DOT1L: variants seen among roughly 807,000 people sequenced by gnomAD.
DOT1L encodes DOT1 like histone lysine methyltransferase, also known as histone-lysine N-methyltransferase, H3 lysine-79 specific.
DOT1L carries 33 observed loss-of-function variants against 153.3 expected under a neutral mutation model. The ratio of observed to expected loss-of-function variants is 0.22; its 90% CI spans 0.16 to 0.29. The LOEUF is 0.29. Among genes scored for constraint, DOT1L ranks in the 10% least tolerant of loss-of-function variants. DOT1L has a pLI of 1.00. For missense variants in DOT1L, 1,847 were observed against 2,119.9 expected, an observed-to-expected ratio of 0.87 and a Z score of 2.53; for synonymous variants, 1,135 against 965.1, an observed-to-expected ratio of 1.18 and a Z score of -3.26.
At position 2,182,965 on chromosome 19, in the gene DOT1L, G is replaced by A. The variant is rs117962942; in HGVS notation, c.125+2209G>A. ...CGTGCACCAACACCTGGGCATCCGC[G>A]ACGTAGGCAGAGACCTCGAAACTCG... is the stretch of plus-strand genomic sequence containing the variant. On this transcript the variant is annotated intron_variant, in intron 2 of 27. Transcript: ENST00000398665. 8.1e-3 allele frequency among the ~76,000 whole-genome samples: 1,235 copies of A among 152,276 alleles called. 9 individuals carry two copies. Among genetic ancestry groups the A allele is most frequent in the Non-Finnish European group, 0.013 (897 of 68,024 alleles).
chr19:2,224,146 C>CT lies in DOT1L; in HGVS notation c.3596+661dup, dbSNP rs1230276692. ...GGTGCATCCTCGGTCCCTGTCGTGG[C>CT]TGGGTGGTGCTCCACCATCCATCCG... On this transcript the variant is annotated intron_variant, in intron 25 of 27. Coordinates refer to ENST00000398665, the MANE Select transcript of DOT1L (RefSeq NM_032482.3). 3.3e-5 allele frequency among the ~76,000 whole-genome samples: 5 copies of CT among 152,340 alleles called. No homozygotes were observed. In the East Asian group the frequency reaches 9.6e-4, roughly 29 times the overall value.
rs376075458 is a variant in DOT1L, at chr19:2,184,852, G to A, written c.126-1003G>A. Among the ~76,000 whole-genome samples, 6 of 152,316 alleles carry A rather than the reference G, an allele frequency of 3.9e-5. No individual in the cohort carries two copies. The East Asian group carries it at 9.6e-4, about 24-fold the overall frequency. On this transcript the variant is annotated intron_variant, in intron 2 of 27. Transcript: ENST00000398665. ...CCCAGGAGGTGCTGTGTGTGGTTGT[G>A]AGGTGCCGCTGCGGTTTCCTCACGT...
At position 2,207,017 on chromosome 19, in the gene DOT1L, A is replaced by G. The variant is rs745513425; in HGVS notation, c.856+220A>G. Among the ~76,000 whole-genome samples the G allele has an allele frequency of 1.3e-5, 2 of 152,172 alleles. No individual in the cohort carries two copies. ...GGTCGCGACAACCACACACGTCCCCATAGAGCACTGTGTGCCATGGGGGTA... is the reference window on the plus strand; with the variant it reads ...GGTCGCGACAACCACACACGTCCCCGTAGAGCACTGTGTGCCATGGGGGTA... On this transcript the variant is annotated intron_variant, in intron 10 of 27. Coordinates refer to ENST00000398665, the MANE Select transcript of DOT1L (RefSeq NM_032482.3). The surrounding 1 kb of genome is among the most constrained non-coding windows in gnomAD (Gnocchi z 4.5).
At position 2,225,591 on chromosome 19, in the gene DOT1L, G is replaced by C. The variant is rs2024293435; in HGVS notation, c.3661+139G>C. On this transcript the variant is annotated intron_variant, in intron 26 of 27. Coordinates refer to ENST00000398665, the MANE Select transcript of DOT1L (RefSeq NM_032482.3). ...CCCGCTGCGTCGTGTCCTGCGTGGT[G>C]CTGGCCTGCTGCGTCGTGTCCTGCG... 5 of 961,266 alleles carry C rather than the reference G, an allele frequency of 5.2e-6. No individual in the cohort carries two copies. The South Asian group carries it at 6.9e-5, about 13-fold the overall frequency. The allele number at this position is 961,266 out of a possible 1,614,324, so 59.5% of individuals were successfully genotyped here.
chr19:2,193,956 C>T lies in DOT1L; in HGVS notation c.588+173C>T, dbSNP rs529136234. The stretch of plus-strand genomic sequence containing the variant: ...TGTGCCTGTGAATAGGGTGCCCGAT[C>T]GCCCTCACGGCCCATTACAGGCCGG... On this transcript the variant is annotated intron_variant, in intron 6 of 27. Transcript: ENST00000398665. The surrounding 1 kb of genome is among the most constrained non-coding windows in gnomAD (Gnocchi z 5.9). 3.3e-5 allele frequency among the ~76,000 whole-genome samples: 5 copies of T among 152,156 alleles called. No individual in the cohort carries two copies. Among genetic ancestry groups the T allele is most frequent in the Non-Finnish European group, 7.4e-5 (5 of 67,994 alleles).
At chr19:2,199,830 C>T in intron 7 of DOT1L, 54 bp from the exon 8 acceptor site, 5 of 1,347,166 alleles carry the variant, frequency 3.7e-6, no homozygotes, top group South Asian at 2.3e-5. Context: ...GCTGGGCGGG[C>T]TGGGAGTGCC....
chr19:2,195,302 G>A (rs891326193), intron 7 of DOT1L, among the ~76,000 whole-genome samples: 3 of 152,060 alleles, frequency 2.0e-5, no homozygotes, highest in Admixed American at 6.6e-5. Context: ...ACCAGGCTCC[G>A]CCCTGGTCCT....
At chr19:2,195,078 C>T (rs915785353) in intron 7 of DOT1L, among the ~76,000 whole-genome samples, 3 of 152,040 alleles carry the variant, frequency 2.0e-5, no homozygotes, top group Non-Finnish European at 2.9e-5. Flanking sequence ...GATGGCGTCG[C>T]GTGTGGCCCT....
At position 2,208,308 on chromosome 19, in the gene DOT1L, G is replaced by C. The variant is rs2023581839; in HGVS notation, c.964-627G>C. Among the ~76,000 whole-genome samples, 1 of 152,156 alleles carries C rather than the reference G, an allele frequency of 6.6e-6. No homozygotes were observed. The highest frequency in any genetic ancestry group is 2.4e-5 in the African/African-American group (1 of 41,438). On this transcript the variant is annotated intron_variant, in intron 11 of 27. Transcript: ENST00000398665. The surrounding 1 kb of genome is among the most constrained non-coding windows in gnomAD (Gnocchi z 4.4). ...GGTTGGGCACTCTGTTCCTGTTGTTGGGGTAGCGGTGGTTTTCCTTACGGT... is the reference window on the plus strand; with the variant it reads ...GGTTGGGCACTCTGTTCCTGTTGTTCGGGTAGCGGTGGTTTTCCTTACGGT...
At chr19:2,174,958 ATGTGTG>A (rs71337121) in intron 1 of DOT1L, among the ~76,000 whole-genome samples, 1,334 of 130,008 alleles carry the variant, frequency 0.01, 27 homozygotes, top group African/African-American at 0.032. Context: ...TTTTAAATAT[ATGTGTG>A]TGTGTGTGTG....
intron 1 of DOT1L, among the ~76,000 whole-genome samples, chr19:2,165,800 G>A (rs902618696): frequency 6.8e-6 from 1 of 146,780 alleles, no homozygotes; most frequent in Non-Finnish European, 1.5e-5. Flanking sequence ...ACGGAGTCTC[G>A]ATCTGTCGCC....
intron 22 of DOT1L, 116 bp from the exon 23 acceptor site, chr19:2,219,992 T>C: frequency 1.1e-6 from 1 of 898,260 alleles, no homozygotes; most frequent in Non-Finnish European, 1.7e-6. Flanking sequence ...TACTGGACGG[T>C]GACCCCGGCG....
Position 2,210,703 on chromosome 19 carries a change from A to C in DOT1L, c.1199A>C (p.Asn400Thr). The change falls in exon 14 of 28, where the codon AAC (asparagine) becomes ACC (threonine). Residue 400 changes from asparagine (N) to threonine (T), a missense_variant. By Grantham distance (65) the Asn-to-Thr change is moderately conservative. Coordinates refer to ENST00000398665, the MANE Select transcript of DOT1L (RefSeq NM_032482.3). ...TCCAAAGCCCGCAAGAAGAAGCTAAACAAGAAGGGGAGGAAGATGGCTGGC... is the reference window on the plus strand; with the variant it reads ...TCCAAAGCCCGCAAGAAGAAGCTAACCAAGAAGGGGAGGAAGATGGCTGGC... ...SPSKARKKKL[N>T]KKGRKMAGRK... 6.2e-7 allele frequency: 1 copy of C among 1,613,146 alleles called. No homozygotes were observed. The highest frequency in any genetic ancestry group is 1.1e-5 in the South Asian group (1 of 91,084).
chr19:2,203,391 T>A (rs1255424886), intron 9 of DOT1L, among the ~76,000 whole-genome samples: 1 of 152,206 alleles, frequency 6.6e-6, no homozygotes, highest in Non-Finnish European at 1.5e-5. Flanking sequence ...CGTGAGCCAT[T>A]GTGCCCAGCC....
At position 2,230,351 on chromosome 19, in the gene DOT1L, G is replaced by A. The variant is rs1056015235; in HGVS notation, c.*559G>A. ...CCGCGGCCTGAGCCCCTTCCTGAGC[G>A]CCCTGGCGCCTGCCCTGAGCTCTTC... On this transcript the variant is annotated 3_prime_UTR_variant, in exon 28 of 28. Coordinates refer to ENST00000398665, the MANE Select transcript of DOT1L (RefSeq NM_032482.3). 7.3e-6 allele frequency: 3 copies of A among 411,746 alleles called. No homozygotes were observed. The highest frequency in any genetic ancestry group is 4.1e-5 in the African/African-American group (2 of 48,672). 25.5% of individuals were successfully genotyped at this position (411,746 alleles called of 1,614,324 possible).
intron 2 of DOT1L, among the ~76,000 whole-genome samples, chr19:2,184,478 C>T (rs759005131): frequency 1.3e-5 from 2 of 152,040 alleles, no homozygotes; most frequent in African/African-American, 2.4e-5. Context: ...GGCAATGAAG[C>T]TACTCTCGGA....
Position 2,220,010 on chromosome 19 carries a change from C to G in DOT1L, c.2692-98C>G. 2 of 1,176,870 alleles carry G rather than the reference C, an allele frequency of 1.7e-6. No homozygotes were observed. Among genetic ancestry groups the G allele is most frequent in the Admixed American group, 2.4e-5 (1 of 41,986 alleles). 72.9% of individuals were successfully genotyped at this position (1,176,870 alleles called of 1,614,324 possible). A position where few individuals can be genotyped will look rare whatever the true frequency, so the allele number is the denominator to read the frequency against. Reference sequence around the variant, plus strand: ...TGGACGGTGACCCCGGCGGCCTCCCCCAGCCAGCTGCAGGCCTCAACACTC... The same window carrying G: ...TGGACGGTGACCCCGGCGGCCTCCCGCAGCCAGCTGCAGGCCTCAACACTC... On this transcript the variant is annotated intron_variant, in intron 22 of 27. Coordinates refer to ENST00000398665, the MANE Select transcript of DOT1L (RefSeq NM_032482.3). This position sits in a 1 kb window ranked among gnomAD's most constrained non-coding sequence, Gnocchi z 4.5.
At position 2,216,431 on chromosome 19, in the gene DOT1L, C is replaced by T; in HGVS notation, c.2074C>T (p.Leu692=). Reference sequence around the variant, plus strand: ...GGAGCCTGACGCCAGCCGGCTGCACCTGGAGCTGGACTGCACCAAGTTCTC... The same window carrying T: ...GGAGCCTGACGCCAGCCGGCTGCACTTGGAGCTGGACTGCACCAAGTTCTC... ...ELEPDASRLH[L]ELDCTKFSLP... Residue 692 remains leucine, a synonymous_variant, in exon 20 of 28, where the codon CTG becomes TTG. Coordinates refer to ENST00000398665, the MANE Select transcript of DOT1L (RefSeq NM_032482.3). The T allele has an allele frequency of 2.5e-6, 4 of 1,612,616 alleles. No homozygotes were observed. The highest frequency in any genetic ancestry group is 2.5e-6 in the Non-Finnish European group (3 of 1,179,924).
chr19:2,165,671 G>A (rs1439457674), intron 1 of DOT1L, among the ~76,000 whole-genome samples: 3 of 152,234 alleles, frequency 2.0e-5, no homozygotes, highest in African/African-American at 4.8e-5. Flanking sequence ...GTTTTAGGTG[G>A]TAGAAGGCAT....
Sources: allele counts gnomAD v4.1 joint callset (sites outside exome capture counted in the v4.1 genomes callset), GRCh38; gene constraint gnomAD v4.1.1; non-coding constraint Gnocchi (gnomAD v3.1); transcripts MANE v1.5; gene names NCBI Gene and HGNC (gene_info 2026-07-23, HGNC 2026-07-21).